DHX32: variants seen among roughly 807,000 people sequenced by gnomAD.
DHX32 encodes putative pre-mRNA-splicing factor ATP-dependent RNA helicase DHX32.
DHX32 carries 51 observed loss-of-function variants against 70.0 expected under a neutral mutation model. The ratio of observed to expected loss-of-function variants is 0.73; its 90% CI spans 0.58 to 0.92. DHX32 has a LOEUF of 0.92. Among genes scored for constraint, DHX32 ranks in the 40% least tolerant of loss-of-function variants. DHX32 has a pLI of 0.00. For missense variants in DHX32, 762 were observed against 891.8 expected (o/e 0.85, Z 1.85); for synonymous variants, 310 against 315.3 (o/e 0.98, Z 0.18).
intron 1 of DHX32, among the ~76,000 whole-genome samples, chr10:125,893,496 G>A (rs1244410463): frequency 2.0e-5 from 3 of 152,174 alleles, no homozygotes; most frequent in Non-Finnish European, 4.4e-5. Flanking sequence ...GCCTGCCTTG[G>A]CCTCCCAAAG....
intron 1 of DHX32, 24 bp downstream of exon 1, chr10:125,880,519 T>C (rs1272412490): frequency 6.4e-7 from 1 of 1,552,692 alleles, no homozygotes; most frequent in African/African-American, 1.4e-5. Context: ...ATACAGCAAA[T>C]TATTTTTTGT....
rs1196289516 is a variant in DHX32 at position 125,880,999 on chromosome 10, G to A, written c.-175C>T. 9.8e-6 allele frequency: 7 copies of A among 714,116 alleles called. No homozygotes were observed. The highest frequency in any genetic ancestry group is 3.1e-5 in the Admixed American group (1 of 32,508). 44.2% of individuals were successfully genotyped at this position (714,116 alleles called of 1,614,324 possible). A position where few individuals can be genotyped will look rare whatever the true frequency, so the allele number is the denominator to read the frequency against. On this transcript the variant is annotated 5_prime_UTR_variant, in exon 1 of 11. It adds an upstream start codon to the 5' untranslated region. Coordinates refer to ENST00000284690, the MANE Select transcript of DHX32 (RefSeq NM_018180.3). ...TTCCTCAAACCTGCATCTGTTCTCC[G>A]TTGCTGTGTTACCCACTGTGCTGGC...
At chr10:125,870,855 A>G (rs1317619212) in intron 1 of DHX32, among the ~76,000 whole-genome samples, 1 of 152,128 alleles carries the variant, frequency 6.6e-6, no homozygotes, top group African/African-American at 2.4e-5. Flanking sequence ...AAAAAATAAA[A>G]ATAAATAAAT....
Position 125,836,678 on chromosome 10 carries a change from G to T in DHX32, c.*9C>A, listed in dbSNP as rs767375243. The T allele has an allele frequency of 6.2e-7, 1 of 1,612,884 alleles. No homozygotes were observed. Among genetic ancestry groups the T allele is most frequent in the Non-Finnish European group, 8.5e-7 (1 of 1,179,202 alleles). On this transcript the variant is annotated 3_prime_UTR_variant, in exon 11 of 11. Coordinates refer to ENST00000284690, the MANE Select transcript of DHX32 (RefSeq NM_018180.3). ...TGGGACCCTGCTGCACCTTGTGTTT[G>T]CTGGGGAGTCACTGGAGAGTGCATC...
chr10:125,844,781 A>C (rs1004479985), intron 6 of DHX32, among the ~76,000 whole-genome samples: 9 of 152,210 alleles, frequency 5.9e-5, no homozygotes, highest in African/African-American at 1.9e-4. Context: ...CTGGCAGTGC[A>C]AAATCAGACT....
Position 125,850,322 on chromosome 10 carries a change from C to T in DHX32, c.1351+1971G>A, listed in dbSNP as rs554000798. ...TCTTTTCACCAGAGCCATCCCTGGC[C>T]TCTGCAGCCTTTGACTTTCTTTTCT... On this transcript the variant is annotated intron_variant, in intron 6 of 10. Coordinates refer to ENST00000284690, the MANE Select transcript of DHX32 (RefSeq NM_018180.3). 1.1e-4 allele frequency among the ~76,000 whole-genome samples: 16 copies of T among 151,204 alleles called. No individual in the cohort carries two copies. The South Asian group carries it at 3.4e-3, about 32-fold the overall frequency.
intron 1 of DHX32, chr10:125,896,133 G>A (rs1435381964): frequency 9.6e-4 from 155 of 162,024 alleles, no homozygotes; most frequent in Non-Finnish European, 1.5e-3. Flanking sequence ...TACAACAGGT[G>A]CGCCGGGGCC....
intron 1 of DHX32, among the ~76,000 whole-genome samples, chr10:125,895,055 C>T (rs1944435077): frequency 6.6e-6 from 1 of 152,306 alleles, no homozygotes. Flanking sequence ...TATCACGCTG[C>T]TTGTCAATAT....
chr10:125,871,514 G>A (rs1944255580), intron 1 of DHX32, among the ~76,000 whole-genome samples: 1 of 152,210 alleles, frequency 6.6e-6, no homozygotes, highest in African/African-American at 2.4e-5. Flanking sequence ...GCTACTTGGA[G>A]ATAGTTAACA....
At position 125,880,812 on chromosome 10, in the gene DHX32, C is replaced by A; in HGVS notation, c.13G>T (p.Gly5Trp). Residue 5 changes from glycine (G) to tryptophan (W), a missense_variant, in exon 1 of 11, where the codon GGG (glycine) becomes TGG (tryptophan). By Grantham distance (184) the Gly-to-Trp change is radical. Around this residue, in one of 3 missense-constraint regions of DHX32, gnomAD observed 394 missense variants for 473.1 expected, o/e 0.83. Transcript: ENST00000284690. ...GAGGAAGAGTTTGGACACTCCAGCCCTTCTTCTTCCATCTTGTCTGACAGT... is the reference window on the plus strand; with the variant it reads ...GAGGAAGAGTTTGGACACTCCAGCCATTCTTCTTCCATCTTGTCTGACAGT... Reference protein sequence around the residue: MEEEGLECPNSSSEK... With the variant: MEEEWLECPNSSSEK... 9 of 1,611,298 alleles carry A rather than the reference C, an allele frequency of 5.6e-6. No individual in the cohort carries two copies. The highest frequency in any genetic ancestry group is 7.6e-6 in the Non-Finnish European group (9 of 1,178,910).
chr10:125,868,227 A>G (rs1194724308), intron 1 of DHX32, among the ~76,000 whole-genome samples: 2 of 152,158 alleles, frequency 1.3e-5, no homozygotes, highest in African/African-American at 4.8e-5. Context: ...TTTGTACAAG[A>G]ATTATTATAG....
intron 1 of DHX32, among the ~76,000 whole-genome samples, chr10:125,895,827 C>A (rs1167025997): frequency 6.6e-6 from 1 of 151,770 alleles, no homozygotes; most frequent in Non-Finnish European, 1.5e-5. Context: ...CGGGCAAAAC[C>A]GTGCTCCTGG....
At chr10:125,857,195 C>A (rs936227111) in intron 3 of DHX32, among the ~76,000 whole-genome samples, 5 of 152,246 alleles carry the variant, frequency 3.3e-5, no homozygotes, top group Admixed American at 6.5e-5. Flanking sequence ...AATGAGGGAT[C>A]CTGACAAAAA....
At chr10:125,860,663 A>C (rs1944180986) in intron 2 of DHX32, among the ~76,000 whole-genome samples, 1 of 152,038 alleles carries the variant, frequency 6.6e-6, no homozygotes, top group Non-Finnish European at 1.5e-5. Flanking sequence ...AATTAAAATA[A>C]CCACCTATTA....
Position 125,841,121 on chromosome 10 carries a change from T to C in DHX32, c.1544-125A>G, listed in dbSNP as rs1247213672. The stretch of plus-strand genomic sequence containing the variant: ...CCTGTCTTGGTACTCTGAATAAATA[T>C]GTTATTCTTGTTTACTTAGAAATCC... On this transcript the variant is annotated intron_variant, in intron 7 of 10. Coordinates refer to ENST00000284690, the MANE Select transcript of DHX32 (RefSeq NM_018180.3). 5 of 1,354,246 alleles carry C rather than the reference T, an allele frequency of 3.7e-6. No homozygotes were observed. The East Asian group carries it at 7.4e-5, about 20-fold the overall frequency. 83.9% of individuals were successfully genotyped at this position (1,354,246 alleles called of 1,614,324 possible). A position where few individuals can be genotyped will look rare whatever the true frequency, so the allele number is the denominator to read the frequency against.
chr10:125,837,688 A>G (rs1233112939), intron 10 of DHX32, among the ~76,000 whole-genome samples: 2 of 152,164 alleles, frequency 1.3e-5, no homozygotes, highest in Non-Finnish European at 2.9e-5. Flanking sequence ...TTGGCCTCCC[A>G]AGGTGCCTGG....
chr10:125,861,667 G>A (rs1009264729), intron 2 of DHX32, among the ~76,000 whole-genome samples: 2 of 152,178 alleles, frequency 1.3e-5, no homozygotes, highest in East Asian at 1.9e-4. Flanking sequence ...CCCTGGTAGG[G>A]CACCATTTCA....
intron 6 of DHX32, among the ~76,000 whole-genome samples, chr10:125,851,481 C>T (rs1944088576): frequency 6.6e-6 from 1 of 152,208 alleles, no homozygotes; most frequent in African/African-American, 2.4e-5. Flanking sequence ...GTCCACCAAA[C>T]ATCTACTACC....
chr10:125,870,348 T>A (rs528450109), intron 1 of DHX32, among the ~76,000 whole-genome samples: 1 of 152,328 alleles, frequency 6.6e-6, no homozygotes, highest in South Asian at 2.1e-4. Context: ...CCTCATTTGA[T>A]GCATGAGGAA....
Sources: allele counts gnomAD v4.1 joint callset (sites outside exome capture counted in the v4.1 genomes callset), GRCh38; gene constraint gnomAD v4.1.1; regional missense constraint gnomAD v4.1.1; transcripts MANE v1.5; gene names NCBI Gene and HGNC (gene_info 2026-07-23, HGNC 2026-07-21).